Variants in OSGIN2 observed in about 807,000 individuals in gnomAD.
OSGIN2 encodes oxidative stress induced growth inhibitor family member 2.
Under a neutral mutation model 53.8 loss-of-function variants are expected in OSGIN2, and 19 were observed. That is an observed-to-expected ratio of 0.35 (90% CI 0.25 to 0.52). OSGIN2 has a LOEUF of 0.52. Among genes scored for constraint, OSGIN2 ranks in the 20% least tolerant of loss-of-function variants. OSGIN2 has a pLI of 0.95. For synonymous variants in OSGIN2, 236 were observed against 236.0 expected, an observed-to-expected ratio of 1.00 and a Z score of 0.00; for missense variants, 520 against 662.7, an observed-to-expected ratio of 0.78 and a Z score of 2.36.
At chr8:89,903,094 G>A (rs955399606) in intron 1 of OSGIN2, among the ~76,000 whole-genome samples, 1 of 152,212 alleles carries the variant, frequency 6.6e-6, no homozygotes, top group Non-Finnish European at 1.5e-5. Context: ...GGCTAGGCCG[G>A]ACTGAGTCGG....
rs1324700140 is a variant in OSGIN2 at position 89,921,171 on chromosome 8, G to C, written c.620G>C (p.Arg207Thr). The C allele has an allele frequency of 6.5e-7, 1 of 1,543,314 alleles. No homozygotes were observed. Among genetic ancestry groups the C allele is most frequent in the Non-Finnish European group, 8.9e-7 (1 of 1,128,680 alleles). ...AAGGACTGGGTATCAAGTAAACGAAGGTAAAGATTGAACTGTATTAAAATT... is the reference window on the plus strand; with the variant it reads ...AAGGACTGGGTATCAAGTAAACGAACGTAAAGATTGAACTGTATTAAAATT... ...KFKDWVSSKR[R>T]SLKGDRVMPE... The change falls in exon 5 of 6, where the codon AGG (arginine) becomes ACG (threonine). Residue 207 changes from arginine to threonine, a missense_variant and splice_region_variant. Arg to Thr is a moderately conservative substitution (Grantham distance 71). Around this residue, in one of 3 missense-constraint regions of OSGIN2, gnomAD observed 203 missense variants for 275.3 expected, o/e 0.74. Transcript: ENST00000451899.
rs947182146 is a variant in OSGIN2 at position 89,925,534 on chromosome 8, G to C, written c.*2G>C. 3.7e-6 allele frequency: 6 copies of C among 1,608,002 alleles called. No homozygotes were observed. In the Admixed American group the frequency reaches 5.1e-5, roughly 14 times the overall value. ...GGAGGAGGAGATGGGATAGCTTAAA[G>C]CAAGTTTACAAGTAATTAAAATGGA... is the stretch of plus-strand genomic sequence containing the variant. On this transcript the variant is annotated 3_prime_UTR_variant, in exon 6 of 6. Transcript: ENST00000451899.
Position 89,924,974 on chromosome 8 carries a change from T to C in OSGIN2, c.1092T>C (p.Ala364=), listed in dbSNP as rs748842328. The C allele has an allele frequency of 6.2e-7, 1 of 1,613,896 alleles. No homozygotes were observed. The highest frequency in any genetic ancestry group is 8.5e-7 in the Non-Finnish European group (1 of 1,179,720). The change falls in exon 6 of 6, where the codon GCT becomes GCC. Residue 364 remains alanine (A), a synonymous_variant. Transcript: ENST00000451899. ...GLTAADAVLC[A]YNSNIPVIHV... is the part of the protein sequence containing the mutation. ...CTGCCGCTGACGCAGTACTGTGTGC[T>C]TACAACAGTAATATCCCTGTGATTC... is the stretch of plus-strand genomic sequence containing the variant.
In OSGIN2 at chr8:89,914,538, C is replaced by G. The variant is rs952438640; in HGVS notation, c.337-17C>G. On this transcript the variant is annotated splice_polypyrimidine_tract_variant and intron_variant, in intron 3 of 5. Coordinates refer to ENST00000451899, the MANE Select transcript of OSGIN2 (RefSeq NM_001126111.3). ...TGCTGGCTTTTTTCAAACTCTGTCT[C>G]CCTTTTGTTCATTCAGGACTTAGAA... 7 of 1,601,228 alleles carry G rather than the reference C, an allele frequency of 4.4e-6. No individual in the cohort carries two copies. Among genetic ancestry groups the G allele is most frequent in the Non-Finnish European group, 6.0e-6 (7 of 1,169,910 alleles).
At chr8:89,923,744 G>A (rs1809254411) in intron 5 of OSGIN2, among the ~76,000 whole-genome samples, 1 of 152,108 alleles carries the variant, frequency 6.6e-6, no homozygotes, top group Non-Finnish European at 1.5e-5. Flanking sequence ...ACTTACAATT[G>A]GTCTATCAGG....
chr8:89,914,571 C>T lies in OSGIN2; in HGVS notation c.353C>T (p.Ser118Phe). The change falls in exon 4 of 6, where the codon TCT becomes TTT. Residue 118 changes from serine to phenylalanine, a missense_variant. Ser to Phe is a radical substitution (Grantham distance 155). Transcript: ENST00000451899. ...TTCATTCAGGACTTAGAATACTTGT[C>T]TGAGGGCCTTGAGGGCCGATCATCC... is the stretch of plus-strand genomic sequence containing the variant. Reference protein sequence around the residue: ...SIVDQDLEYLSEGLEGRSSNP... With the variant: ...SIVDQDLEYLFEGLEGRSSNP... The T allele has an allele frequency of 3.7e-6, 6 of 1,613,768 alleles. No homozygotes were observed. Among genetic ancestry groups the T allele is most frequent in the Non-Finnish European group, 5.1e-6 (6 of 1,179,720 alleles).
At chr8:89,909,040 A>ATG (rs1808909938) in intron 1 of OSGIN2, among the ~76,000 whole-genome samples, 1 of 94,908 alleles carries the variant, frequency 1.1e-5, no homozygotes, top group Non-Finnish European at 1.8e-5. Context: ...AAAAAAAAAT[A>ATG]TATATATATA....
chr8:89,905,899 ATAATT>A (rs1360074588), intron 1 of OSGIN2, among the ~76,000 whole-genome samples: 2 of 152,252 alleles, frequency 1.3e-5, no homozygotes, highest in African/African-American at 4.8e-5. Context: ...TTAACACTGA[ATAATT>A]TAAAATGAAA....
In OSGIN2 at chr8:89,924,627, T is replaced by G. The variant is rs1809276223; in HGVS notation, c.745T>G (p.Tyr249Asp). The G allele has an allele frequency of 6.2e-7, 1 of 1,613,972 alleles. No homozygotes were observed. Among genetic ancestry groups the G allele is most frequent in the African/African-American group, 1.3e-5 (1 of 75,044 alleles). Residue 249 changes from tyrosine (Y) to aspartate (D), a missense_variant, in exon 6 of 6, where the codon TAC (tyrosine) becomes GAC (aspartate). Physicochemically the swap from Tyr to Asp is radical, Grantham distance 160. This residue lies in a region of OSGIN2 where 78 missense variants were observed against 59.1 expected (regional missense o/e 1.32). Transcript: ENST00000451899. Reference protein sequence around the residue: ...NTYITSVSRLYRDQDDDDIQD... With the variant: ...NTYITSVSRLDRDQDDDDIQD... The stretch of plus-strand genomic sequence containing the variant: ...TTACATAACTTCCGTATCAAGACTC[T>G]ACAGAGATCAAGATGATGATGATAT...
intron 4 of OSGIN2, among the ~76,000 whole-genome samples, chr8:89,917,469 A>G (rs1455182191): frequency 1.3e-5 from 2 of 152,260 alleles, no homozygotes; most frequent in South Asian, 2.1e-4. Context: ...TCCTTCTGTC[A>G]CATAGGTTTG....
In OSGIN2 at chr8:89,927,188, T is replaced by C. The variant is rs1809354815; in HGVS notation, c.*1656T>C. 6.6e-6 allele frequency: 1 copy of C among 151,958 alleles called. No individual in the cohort carries two copies. The highest frequency in any genetic ancestry group is 2.4e-5 in the African/African-American group (1 of 41,350). 9.4% of individuals were successfully genotyped at this position (151,958 alleles called of 1,614,324 possible). ...CTTACTGTCACTTCTAAATAGAAAA[T>C]GACAGTGTTATAAAAAAGGGAAGGA... is the stretch of plus-strand genomic sequence containing the variant. On this transcript the variant is annotated 3_prime_UTR_variant, in exon 6 of 6. Transcript: ENST00000451899.
At chr8:89,909,037 A>AAAAT (rs1554550040) in intron 1 of OSGIN2, among the ~76,000 whole-genome samples, 24 of 84,860 alleles carry the variant, frequency 2.8e-4, no homozygotes, top group Non-Finnish European at 4.5e-4. Context: ...AAAAAAAAAA[A>AAAAT]ATATATATAT....
At chr8:89,911,925 G>A (rs145153785) in intron 2 of OSGIN2, among the ~76,000 whole-genome samples, 1,670 of 142,862 alleles carry the variant, frequency 0.012, 31 homozygotes, top group African/African-American at 0.045. Context: ...GCGACAGAGC[G>A]AGACTCCGTC....
At chr8:89,902,428 T>G (rs1437793074), upstream of OSGIN2, 4 of 151,598 alleles carry the variant, frequency 2.6e-5, no homozygotes, top group Non-Finnish European at 5.9e-5. Flanking sequence ...GCCCGGCCCC[T>G]CGCCCGGGCC....
chr8:89,905,084 TTGAA>T (rs1362083289), intron 1 of OSGIN2, among the ~76,000 whole-genome samples: 1 of 152,254 alleles, frequency 6.6e-6, no homozygotes, highest in African/African-American at 2.4e-5. Context: ...TCATTTTAGT[TTGAA>T]TGATCATTTA....
rs191375135 is a variant in OSGIN2, at chr8:89,921,005, T to C, written c.529-75T>C. On this transcript the variant is annotated intron_variant, in intron 4 of 5. Transcript: ENST00000451899. Reference sequence around the variant, plus strand: ...ATTATTGTAAATGAGATGGATATGGTTAAAAAACAGACCAAAAAAAACCAT... The same window carrying C: ...ATTATTGTAAATGAGATGGATATGGCTAAAAAACAGACCAAAAAAAACCAT... The C allele has an allele frequency of 2.9e-4, 256 of 886,416 alleles. 3 individuals are homozygous for C. In the Admixed American group the frequency reaches 5.9e-3, roughly 21 times the overall value. 54.9% of individuals were successfully genotyped at this position (886,416 alleles called of 1,614,324 possible). A position where few individuals can be genotyped will look rare whatever the true frequency, so the allele number is the denominator to read the frequency against.
At chr8:89,903,467 C>T (rs1228608011) in intron 1 of OSGIN2, among the ~76,000 whole-genome samples, 1 of 152,182 alleles carries the variant, frequency 6.6e-6, no homozygotes, top group African/African-American at 2.4e-5. Flanking sequence ...AGACCAGACA[C>T]TAGAAACTGA....
At position 89,909,037 on chromosome 8, in the gene OSGIN2, A is replaced by AT. The variant is rs1386421506; in HGVS notation, c.45-530_45-529insT. ...AAAAAAAAAAAAAAAAAAAAAAAAAAATATATATATATACATATATATATA... is the reference window on the plus strand; with the variant it reads ...AAAAAAAAAAAAAAAAAAAAAAAAAATATATATATATATACATATATATATA... On this transcript the variant is annotated intron_variant, in intron 1 of 5. Coordinates refer to ENST00000451899, the MANE Select transcript of OSGIN2 (RefSeq NM_001126111.3). Among the ~76,000 whole-genome samples the AT allele has an allele frequency of 2.1e-3, 176 of 84,794 alleles. 1 individual carries two copies. The highest frequency in any genetic ancestry group is 4.3e-3 in the South Asian group (11 of 2,578). 55.6% of individuals were successfully genotyped at this position (84,794 alleles called of 152,430 possible). A position where few individuals can be genotyped will look rare whatever the true frequency, so the allele number is the denominator to read the frequency against.
In OSGIN2 at chr8:89,925,252, T is replaced by C; in HGVS notation, c.1370T>C (p.Ile457Thr). ...AAGCTGTCTGCAGCAGTAGTATTGATAGGTTCTCATCCTAATCTGTCTTTT... is the reference window on the plus strand; with the variant it reads ...AAGCTGTCTGCAGCAGTAGTATTGACAGGTTCTCATCCTAATCTGTCTTTT... ...IFKLSAAVVL[I>T]GSHPNLSFLK... Residue 457 changes from isoleucine (I) to threonine (T), a missense_variant, in exon 6 of 6, where the codon ATA (isoleucine) becomes ACA (threonine). By Grantham distance (89) the Ile-to-Thr change is moderately conservative (BLOSUM62 -1). Around this residue, in one of 3 missense-constraint regions of OSGIN2, gnomAD observed 239 missense variants for 328.3 expected, o/e 0.73. Coordinates refer to ENST00000451899, the MANE Select transcript of OSGIN2 (RefSeq NM_001126111.3). 1 of 1,614,196 alleles carries C rather than the reference T, an allele frequency of 6.2e-7. No homozygotes were observed. Among genetic ancestry groups the C allele is most frequent in the Non-Finnish European group, 8.5e-7 (1 of 1,180,008 alleles).
Sources: allele counts gnomAD v4.1 joint callset (sites outside exome capture counted in the v4.1 genomes callset), GRCh38; gene constraint gnomAD v4.1.1; regional missense constraint gnomAD v4.1.1; transcripts MANE v1.5; gene names NCBI Gene and HGNC (gene_info 2026-07-23, HGNC 2026-07-21).